Variants in GRK4 observed in about 807,000 individuals in gnomAD.
GRK4 encodes G protein-coupled receptor kinase 2-like.
GRK4 carries 73 observed loss-of-function variants against 77.9 expected under a neutral mutation model. The observed-to-expected ratio is 0.94, with a 90% CI of 0.78 to 1.14. GRK4 has a LOEUF of 1.14. Ranked by LOEUF, GRK4 falls within the 50% of genes most tolerant of loss-of-function variation. GRK4 has a pLI of 0.00. For missense variants in GRK4, 729 were observed against 700.2 expected (o/e 1.04, Z -0.46); for synonymous variants, 257 against 254.4 (o/e 1.01, Z -0.10).
At chr4:2,992,663 C>T (rs142434382) in intron 4 of GRK4, among the ~76,000 whole-genome samples, 297 of 151,248 alleles carry the variant, frequency 2.0e-3, no homozygotes, top group African/African-American at 7.0e-3. Context: ...GCCTGGGTGA[C>T]AGAGCAAGAC....
intron 4 of GRK4, among the ~76,000 whole-genome samples, chr4:3,003,921 A>C (rs1344093234): frequency 6.6e-6 from 1 of 152,060 alleles, no homozygotes; most frequent in African/African-American, 2.4e-5. Flanking sequence ...ACGGAGTTTC[A>C]CCATGTTGGC....
At chr4:3,001,487 C>T (rs1337242891) in intron 4 of GRK4, among the ~76,000 whole-genome samples, 2 of 151,524 alleles carry the variant, frequency 1.3e-5, no homozygotes, top group Non-Finnish European at 2.9e-5. Flanking sequence ...CTGCCTCAGC[C>T]TCCTGAGTAG....
intron 1 of GRK4, among the ~76,000 whole-genome samples, chr4:2,972,504 A>C (rs570408901): frequency 6.6e-6 from 1 of 152,156 alleles, no homozygotes; most frequent in East Asian, 1.9e-4. Context: ...AGGGTTCACC[A>C]GCACGTGTGC....
At chr4:2,968,143 T>C (rs373594589) in intron 1 of GRK4, among the ~76,000 whole-genome samples, 13 of 152,282 alleles carry the variant, frequency 8.5e-5, no homozygotes, top group South Asian at 4.1e-4. Flanking sequence ...ATATTATTTG[T>C]TAAGCAACTT....
chr4:3,040,508 G>A (rs2110112874), intron 15 of GRK4, 64 bp from the exon 16 acceptor site: 1 of 1,367,780 alleles, frequency 7.3e-7, no homozygotes, highest in Non-Finnish European at 1.0e-6. Flanking sequence ...ATGGTTGTCT[G>A]CACTTAAGGA....
At chr4:3,021,095 G>T (rs907792762) in intron 9 of GRK4, among the ~76,000 whole-genome samples, 8 of 152,144 alleles carry the variant, frequency 5.3e-5, no homozygotes, top group Admixed American at 1.3e-4. Context: ...TTGTCACCTT[G>T]TAAGCCTGGC....
chr4:2,967,250 C>T (rs1717994761), intron 1 of GRK4, among the ~76,000 whole-genome samples: 1 of 152,210 alleles, frequency 6.6e-6, no homozygotes, highest in Admixed American at 6.5e-5. Context: ...GTTAGAGCAG[C>T]TTGAACAGAC....
rs1351464695 is a variant in GRK4, at chr4:2,988,844, G to A, written c.261+5G>A. 2 of 1,534,112 alleles carry A rather than the reference G, an allele frequency of 1.3e-6. No homozygotes were observed. Among genetic ancestry groups the A allele is most frequent in the South Asian group, 2.2e-5 (2 of 89,606 alleles). On this transcript the variant is annotated splice_donor_5th_base_variant and intron_variant, in intron 3 of 15. Coordinates refer to ENST00000398052, the MANE Select transcript of GRK4 (RefSeq NM_182982.3). ...ATTGAATTCTTGGATGCAGTGGTGAGCAGTTTATCTCCATATTGAGCAACC... is the reference window on the plus strand; with the variant it reads ...ATTGAATTCTTGGATGCAGTGGTGAACAGTTTATCTCCATATTGAGCAACC...
At chr4:2,965,145 CT>C in intron 1 of GRK4, 1 of 619,772 alleles carries the variant, frequency 1.6e-6, no homozygotes. Flanking sequence ...CCTGCTTAGT[CT>C]TTGTTCAAGG....
In GRK4 at chr4:3,001,307, A is replaced by G. The variant is rs74982644; in HGVS notation, c.340-2924A>G. ...TATACACATACATATATATGTATAT[A>G]TGTGTGTGTGAGTACATATACACAC... On this transcript the variant is annotated intron_variant, in intron 4 of 15. Coordinates refer to ENST00000398052, the MANE Select transcript of GRK4 (RefSeq NM_182982.3). 2.2e-3 allele frequency among the ~76,000 whole-genome samples: 314 copies of G among 143,172 alleles called. 21 individuals carry two copies. The highest frequency in any genetic ancestry group is 7.7e-3 in the African/African-American group (286 of 37,270). 93.9% of individuals were successfully genotyped at this position (143,172 alleles called of 152,430 possible). A position where few individuals can be genotyped will look rare whatever the true frequency, so the allele number is the denominator to read the frequency against.
intron 1 of GRK4, chr4:2,969,266 C>G (rs1483395607): frequency 6.6e-6 from 1 of 152,174 alleles, no homozygotes; most frequent in Non-Finnish European, 1.5e-5. Context: ...TCTTGAACTC[C>G]TGACCTCAAA....
intron 4 of GRK4, among the ~76,000 whole-genome samples, chr4:2,994,829 C>T (rs191384087): frequency 9.9e-5 from 15 of 152,144 alleles, no homozygotes; most frequent in Non-Finnish European, 2.1e-4. Context: ...AGGTTTGTTA[C>T]GTAGGTAAAC....
At chr4:2,990,729 T>C (rs1725908211) in intron 3 of GRK4, among the ~76,000 whole-genome samples, 2 of 152,230 alleles carry the variant, frequency 1.3e-5, no homozygotes, top group Non-Finnish European at 2.9e-5. Context: ...TAAACTGCAT[T>C]GTTGAAACTC....
At chr4:3,026,101 G>T (rs866430743) in intron 10 of GRK4, among the ~76,000 whole-genome samples, 4 of 152,354 alleles carry the variant, frequency 2.6e-5, no homozygotes, top group Middle Eastern at 3.4e-3. Flanking sequence ...TTGGGCACAT[G>T]TAATTTCCTA....
chr4:3,030,231 G>A (rs866392377), intron 12 of GRK4, among the ~76,000 whole-genome samples: 1 of 152,044 alleles, frequency 6.6e-6, no homozygotes, highest in Non-Finnish European at 1.5e-5. Flanking sequence ...GGTGGCACCC[G>A]CGAGTCACAG....
At chr4:2,994,052 G>T (rs538274593) in intron 4 of GRK4, among the ~76,000 whole-genome samples, 1 of 152,284 alleles carries the variant, frequency 6.6e-6, no homozygotes, top group African/African-American at 2.4e-5. Context: ...GGTGTCAGAG[G>T]TGTGATTCAG....
At chr4:3,013,436 T>C (rs747548318) in intron 7 of GRK4, among the ~76,000 whole-genome samples, 24 of 152,164 alleles carry the variant, frequency 1.6e-4, no homozygotes, top group Admixed American at 4.6e-4. Context: ...ATTTAAAAAT[T>C]AAACATTTAC....
chr4:2,965,791 A>C, intron 1 of GRK4: 1 of 327,646 alleles, frequency 3.1e-6, no homozygotes, highest in Non-Finnish European at 5.9e-6. Flanking sequence ...TTTTCCCTTA[A>C]GATAATCAGG....
intron 1 of GRK4, chr4:2,966,778 A>G (rs1249702482): frequency 6.6e-6 from 1 of 152,222 alleles, no homozygotes; most frequent in Non-Finnish European, 1.5e-5. Context: ...GAAATGAATG[A>G]ACGTAGCACA....
Sources: gnomAD v4.1 joint callset for allele counts (sites outside exome capture counted in the v4.1 genomes callset) on GRCh38, gnomAD v4.1.1 for gene constraint, MANE v1.5 for transcripts, NCBI Gene and HGNC (gene_info 2026-07-23, HGNC 2026-07-21) for gene names.